Variants in LRRTM3 observed in about 807,000 individuals in gnomAD.
LRRTM3 encodes the protein leucine rich repeat transmembrane neuronal 3, also known as leucine-rich repeat transmembrane neuronal protein 3.
Under a neutral mutation model 44.7 loss-of-function variants are expected in LRRTM3, and 24 were observed. The observed-to-expected ratio is 0.54, with a 90% confidence interval of 0.39 to 0.76. The LOEUF is 0.76. Ranked by LOEUF, LRRTM3 falls within the 30% of genes least tolerant of loss-of-function variation. LRRTM3 has a pLI of 0.00. For synonymous variants in LRRTM3, 277 were observed against 278.7 expected, an observed-to-expected ratio of 0.99 and a Z score of 0.06; for missense variants, 587 against 702.2, an observed-to-expected ratio of 0.84 and a Z score of 1.85.
In LRRTM3 at chr10:67,062,437, T is replaced by A. The variant is rs577863302; in HGVS notation, c.1537-35150T>A. ...TCATGCTTTAGCATTATCTCTTAAG[T>A]ATGCAGGTGATAAACTTTAAAAATT... On this transcript the variant is annotated intron_variant, in intron 2 of 2. Transcript: ENST00000361320. 1.4e-4 allele frequency among the ~76,000 whole-genome samples: 22 copies of A among 152,322 alleles called. No individual in the cohort carries two copies. The East Asian group carries it at 4.1e-3, about 28-fold the overall frequency.
At chr10:66,950,344 G>T (rs576728586) in intron 2 of LRRTM3, among the ~76,000 whole-genome samples, 1 of 151,586 alleles carries the variant, frequency 6.6e-6, no homozygotes, top group Non-Finnish European at 1.5e-5. Context: ...AATTTTACAG[G>T]GAGGAAAAAA....
intron 2 of LRRTM3, among the ~76,000 whole-genome samples, chr10:67,041,642 A>G (rs1854401797): frequency 6.6e-6 from 1 of 152,066 alleles, no homozygotes; most frequent in African/African-American, 2.4e-5. Context: ...GCTACCTCAT[A>G]CCTCTAAAGC....
intron 2 of LRRTM3, among the ~76,000 whole-genome samples, chr10:66,948,417 C>T (rs10822950): frequency 0.27 from 41,236 of 152,004 alleles, 5,875 homozygotes; most frequent in Middle Eastern, 0.33. Context: ...AATGCACTTG[C>T]GTAACAACAT....
intron 2 of LRRTM3, among the ~76,000 whole-genome samples, chr10:66,944,561 G>T (rs1848184266): frequency 6.6e-6 from 1 of 152,088 alleles, no homozygotes; most frequent in Non-Finnish European, 1.5e-5. Flanking sequence ...ATTTAGAATG[G>T]TGACTCTTAC....
chr10:67,067,998 T>C (rs1180669697), intron 2 of LRRTM3, among the ~76,000 whole-genome samples: 2 of 152,242 alleles, frequency 1.3e-5, no homozygotes, highest in African/African-American at 4.8e-5. Flanking sequence ...GTCAAATTAG[T>C]AGGTAATCAA....
intron 2 of LRRTM3, among the ~76,000 whole-genome samples, chr10:67,074,034 C>CTTTTTTTTTTTTTTTTTTTTTTTTTTTT: frequency 9.1e-6 from 1 of 109,436 alleles, no homozygotes; most frequent in Non-Finnish European, 1.8e-5. Context: ...CATTTTAACT[C>CTTTTTTTTTTTTTTTTTTTTTTTTTTTT]TTTTTTTTTT....
chr10:66,958,838 G>A (rs1158282758), intron 2 of LRRTM3, among the ~76,000 whole-genome samples: 1 of 152,124 alleles, frequency 6.6e-6, no homozygotes, highest in Non-Finnish European at 1.5e-5. Flanking sequence ...AAAATGGGGA[G>A]AGCTAAGGTT....
At chr10:67,032,490 G>A (rs982502985) in intron 2 of LRRTM3, among the ~76,000 whole-genome samples, 1 of 152,120 alleles carries the variant, frequency 6.6e-6, no homozygotes, top group African/African-American at 2.4e-5. Context: ...ATTTGTGGAG[G>A]TCCTGCTATA....
intron 2 of LRRTM3, among the ~76,000 whole-genome samples, chr10:67,080,776 G>A (rs530495171): frequency 3.9e-5 from 6 of 152,146 alleles, no homozygotes; most frequent in African/African-American, 7.2e-5. Flanking sequence ...CGGCGTGGTG[G>A]CGGGCGCCTG....
chr10:67,088,477 A>G (rs1267998528), intron 2 of LRRTM3, among the ~76,000 whole-genome samples: 1 of 151,890 alleles, frequency 6.6e-6, no homozygotes, highest in African/African-American at 2.4e-5. Context: ...AAGATTTTTT[A>G]TTGCAAAGAT....
intron 2 of LRRTM3, among the ~76,000 whole-genome samples, chr10:67,051,505 G>A (rs1345571977): frequency 6.7e-6 from 1 of 149,774 alleles, no homozygotes; most frequent in Non-Finnish European, 1.5e-5. Context: ...TGTCACCGAG[G>A]CTGGAGTGCA....
Position 66,963,471 on chromosome 10 carries a change from T to C in LRRTM3, c.1536+35019T>C, listed in dbSNP as rs547094353. 1.5e-4 allele frequency among the ~76,000 whole-genome samples: 23 copies of C among 152,296 alleles called. No homozygotes were observed. The South Asian group carries it at 4.8e-3, about 32-fold the overall frequency. On this transcript the variant is annotated intron_variant, in intron 2 of 2. Transcript: ENST00000361320. ...TTTCATCATTCCTCTTGACAACGAT[T>C]ACTTTCCAAGTAGATGTGAGCAAAT...
At chr10:66,945,830 G>T (rs1848242533) in intron 2 of LRRTM3, among the ~76,000 whole-genome samples, 2 of 152,204 alleles carry the variant, frequency 1.3e-5, no homozygotes, top group Middle Eastern at 3.4e-3. Flanking sequence ...CAGGGAATAG[G>T]GAGGCCCACA....
chr10:67,083,375 C>T (rs1857143925), intron 2 of LRRTM3, among the ~76,000 whole-genome samples: 1 of 151,860 alleles, frequency 6.6e-6, no homozygotes, highest in African/African-American at 2.4e-5. Context: ...CTTGGGGCTA[C>T]CATCTAGGAA....
At chr10:67,063,743 C>T (rs1855899718) in intron 2 of LRRTM3, among the ~76,000 whole-genome samples, 1 of 152,178 alleles carries the variant, frequency 6.6e-6, no homozygotes, top group South Asian at 2.1e-4. Flanking sequence ...TCTATATAAA[C>T]TCTTACATAC....
intron 2 of LRRTM3, among the ~76,000 whole-genome samples, chr10:67,092,868 G>A (rs962937474): frequency 6.6e-6 from 1 of 151,924 alleles, no homozygotes; most frequent in Non-Finnish European, 1.5e-5. Context: ...TAGCAGAATC[G>A]AAATTATTCC....
intron 2 of LRRTM3, among the ~76,000 whole-genome samples, chr10:66,944,223 A>G (rs1311336753): frequency 1.3e-5 from 2 of 152,210 alleles, no homozygotes; most frequent in East Asian, 3.8e-4. Context: ...GAAATATTCT[A>G]AATCATTTGT....
intron 2 of LRRTM3, among the ~76,000 whole-genome samples, chr10:67,059,538 G>A (rs79882278): frequency 0.013 from 2,016 of 152,194 alleles, 52 homozygotes; most frequent in African/African-American, 0.046. Context: ...ATGATATGTC[G>A]TCAAAGTATA....
At position 67,086,175 on chromosome 10, in the gene LRRTM3, T is replaced by TA. The variant is rs1414058543; in HGVS notation, c.1537-11411dup. 2.6e-5 allele frequency among the ~76,000 whole-genome samples: 4 copies of TA among 152,156 alleles called. No individual in the cohort carries two copies. The East Asian group carries it at 7.7e-4, about 29-fold the overall frequency. Reference sequence around the variant, plus strand: ...GAAACAGTATATTTTTTTTCATACTTATGTGGATATAAATATAAATTTTGA... The same window carrying TA: ...GAAACAGTATATTTTTTTTCATACTTAATGTGGATATAAATATAAATTTTGA... On this transcript the variant is annotated intron_variant, in intron 2 of 2. Coordinates refer to ENST00000361320, the MANE Select transcript of LRRTM3 (RefSeq NM_178011.5).
Sources: allele counts gnomAD v4.1 joint callset (sites outside exome capture counted in the v4.1 genomes callset), GRCh38; gene constraint gnomAD v4.1.1; transcripts MANE v1.5; gene names NCBI Gene and HGNC (gene_info 2026-07-23, HGNC 2026-07-21).